Variants in SDK1 observed in about 807,000 individuals in gnomAD.
SDK1 encodes protein sidekick-1.
SDK1 carries 157 observed loss-of-function variants against 245.5 expected under a neutral mutation model. The observed-to-expected ratio is 0.64, with a 90% CI of 0.56 to 0.73. SDK1 has a LOEUF of 0.73. SDK1 is among the 30% of genes least tolerant of loss of function. The pLI is 0.00. For missense variants in SDK1, 3,583 were observed against 3,002.3 expected (o/e 1.19, Z -4.52); for synonymous variants, 1,647 against 1,278.5 (o/e 1.29, Z -6.15).
intron 1 of SDK1, among the ~76,000 whole-genome samples, chr7:3,610,018 C>T (rs1781541591): frequency 6.6e-6 from 1 of 152,136 alleles, no homozygotes; most frequent in Non-Finnish European, 1.5e-5. Flanking sequence ...GGGATTTGAA[C>T]CCAGGGCTCC....
chr7:3,966,447 C>G (rs1782089639), intron 9 of SDK1, among the ~76,000 whole-genome samples: 1 of 152,118 alleles, frequency 6.6e-6, no homozygotes, highest in Non-Finnish European at 1.5e-5. Flanking sequence ...CGAGCCCTCG[C>G]TGAAGCCATC....
Position 4,130,371 on chromosome 7 carries a change from G to T in SDK1, c.4129+274G>T, listed in dbSNP as rs80136451. 4,523 of 462,052 alleles carry T rather than the reference G, an allele frequency of 9.8e-3. 165 individuals carry two copies. Among genetic ancestry groups the T allele is most frequent in the African/African-American group, 0.083 (4,079 of 49,280 alleles). The allele number at this position is 462,052 out of a possible 1,614,324, so 28.6% of individuals were successfully genotyped here. On this transcript the variant is annotated intron_variant, in intron 27 of 44. Coordinates refer to ENST00000404826, the MANE Select transcript of SDK1 (RefSeq NM_152744.4). ...TGCTGGGGAGAGGCAGCAGAGGCTG[G>T]GGCGGGGCCGAGCTGTGGATGTCAG... is the stretch of plus-strand genomic sequence containing the variant.
intron 1 of SDK1, among the ~76,000 whole-genome samples, chr7:3,399,786 C>T (rs1042885176): frequency 5.3e-5 from 8 of 152,056 alleles, no homozygotes; most frequent in East Asian, 3.9e-4. Flanking sequence ...GCTCTTTCCT[C>T]GGCTTGTATA....
chr7:3,508,382 G>A (rs13235239), intron 1 of SDK1, among the ~76,000 whole-genome samples: 1 of 148,400 alleles, frequency 6.7e-6, no homozygotes, highest in Non-Finnish European at 1.5e-5. Context: ...CTGGAGTGCA[G>A]TGGTGTGTGA....
intron 4 of SDK1, among the ~76,000 whole-genome samples, chr7:3,757,981 T>A (rs6462287): frequency 0.091 from 13,856 of 152,098 alleles, 1,982 homozygotes; most frequent in African/African-American, 0.31. Flanking sequence ...TGAAATTCCA[T>A]ACGTTTTAGT....
intron 1 of SDK1, among the ~76,000 whole-genome samples, chr7:3,365,380 T>G (rs532478085): frequency 3.2e-4 from 48 of 152,314 alleles, no homozygotes; most frequent in African/African-American, 1.1e-3. Context: ...CTGGGTACCA[T>G]TGCAATAGGA....
chr7:3,583,446 G>A (rs1013380901), intron 1 of SDK1, among the ~76,000 whole-genome samples: 11 of 152,174 alleles, frequency 7.2e-5, no homozygotes, highest in Non-Finnish European at 1.6e-4. Flanking sequence ...AGGAGAGTCA[G>A]TAAACCATCG....
At chr7:3,464,775 C>T (rs1780942164) in intron 1 of SDK1, among the ~76,000 whole-genome samples, 1 of 151,100 alleles carries the variant, frequency 6.6e-6, no homozygotes, top group African/African-American at 2.4e-5. Context: ...ACTTATTTTT[C>T]AGTTCAGTTT....
chr7:3,738,089 G>A (rs929000054), intron 4 of SDK1, among the ~76,000 whole-genome samples: 3 of 152,200 alleles, frequency 2.0e-5, no homozygotes, highest in East Asian at 3.8e-4. Context: ...TTTGTTGCCT[G>A]TCCTTTTCTT....
At chr7:3,997,419 T>C (rs983501904) in intron 14 of SDK1, among the ~76,000 whole-genome samples, 3 of 151,918 alleles carry the variant, frequency 2.0e-5, no homozygotes, top group Non-Finnish European at 4.4e-5. Flanking sequence ...AGGTGTGTTA[T>C]ATACACCTCT....
At chr7:3,433,489 T>C (rs1216254856) in intron 1 of SDK1, among the ~76,000 whole-genome samples, 1 of 152,148 alleles carries the variant, frequency 6.6e-6, no homozygotes, top group Non-Finnish European at 1.5e-5. Flanking sequence ...TCTCCTCTTT[T>C]TCTCTTTCTG....
chr7:3,353,995 CTTTT>C (rs533694234), intron 1 of SDK1, among the ~76,000 whole-genome samples: 1 of 139,096 alleles, frequency 7.2e-6, no homozygotes. Flanking sequence ...TTTTTCTTTT[CTTTT>C]TTTTTTTTTT....
chr7:3,758,185 G>A (rs183238413), intron 4 of SDK1, among the ~76,000 whole-genome samples: 79 of 152,258 alleles, frequency 5.2e-4, no homozygotes, highest in Non-Finnish European at 8.1e-4. Context: ...TATTCTGAGG[G>A]ATATACTTTG....
intron 40 of SDK1, among the ~76,000 whole-genome samples, chr7:4,227,635 A>G (rs1037652438): frequency 6.6e-6 from 1 of 152,254 alleles, no homozygotes; most frequent in Non-Finnish European, 1.5e-5. Flanking sequence ...AATCTCAGGC[A>G]GTGAATGACG....
chr7:4,080,132 C>A (rs572235480), intron 22 of SDK1, among the ~76,000 whole-genome samples: 4 of 151,818 alleles, frequency 2.6e-5, no homozygotes, highest in South Asian at 4.2e-4. Context: ...TGAGGGACAG[C>A]GAGGAGGGTG....
At chr7:3,407,478 A>T (rs1408517830) in intron 1 of SDK1, among the ~76,000 whole-genome samples, 1 of 152,152 alleles carries the variant, frequency 6.6e-6, no homozygotes, top group African/African-American at 2.4e-5. Context: ...CTGCAATTAA[A>T]AGGTATGAAT....
At chr7:3,324,232 T>C (rs570861946) in intron 1 of SDK1, among the ~76,000 whole-genome samples, 1 of 152,316 alleles carries the variant, frequency 6.6e-6, no homozygotes, top group South Asian at 2.1e-4. Context: ...AAGAATGTTT[T>C]TTAAAAGTAA....
At chr7:3,968,120 A>C (rs906865213) in intron 10 of SDK1, among the ~76,000 whole-genome samples, 2 of 152,186 alleles carry the variant, frequency 1.3e-5, no homozygotes, top group African/African-American at 4.8e-5. Flanking sequence ...TGTTAAGTGG[A>C]GCTCTTCCTT....
At chr7:3,686,797 G>A (rs1784296737) in intron 4 of SDK1, among the ~76,000 whole-genome samples, 1 of 152,128 alleles carries the variant, frequency 6.6e-6, no homozygotes, top group South Asian at 2.1e-4. Flanking sequence ...TGTATGGAAA[G>A]CATTTAGTTA....
Sources: gnomAD v4.1 joint callset for allele counts (sites outside exome capture counted in the v4.1 genomes callset) on GRCh38, gnomAD v4.1.1 for gene constraint, MANE v1.5 for transcripts, NCBI Gene and HGNC (gene_info 2026-07-23, HGNC 2026-07-21) for gene names.